Variants in EPB41L4A observed in about 807,000 individuals in gnomAD.
EPB41L4A encodes band 4.1-like protein 4A.
Under a neutral mutation model 108.6 loss-of-function variants are expected in EPB41L4A, and 100 were observed. That is an observed-to-expected ratio of 0.92 (90% CI 0.78 to 1.09). The LOEUF (loss-of-function observed/expected upper bound fraction) is 1.09. Ranked by LOEUF, EPB41L4A falls within the 50% of genes least tolerant of loss-of-function variation. The probability of loss-of-function intolerance (pLI) is 0.00; values close to 1 mark genes in which losing one functional copy is unlikely to be tolerated. For synonymous variants in EPB41L4A, 319 were observed against 289.0 expected (o/e 1.10, Z -1.05); for missense variants, 1,030 against 842.7 (o/e 1.22, Z -2.75).
chr5:112,323,204 G>A (rs912006632), intron 1 of EPB41L4A, among the ~76,000 whole-genome samples: 1 of 151,960 alleles, frequency 6.6e-6, no homozygotes, highest in Non-Finnish European at 1.5e-5. Context: ...AGACATAACT[G>A]GAAAGGAGGG....
chr5:112,357,752 T>C (rs765537558), intron 1 of EPB41L4A, among the ~76,000 whole-genome samples: 6 of 152,202 alleles, frequency 3.9e-5, no homozygotes, highest in Non-Finnish European at 8.8e-5. Flanking sequence ...TGTGGATGGA[T>C]GGTTAAGGAC....
chr5:112,149,436 C>T (rs1362572242), intron 12 of EPB41L4A, among the ~76,000 whole-genome samples: 1 of 152,164 alleles, frequency 6.6e-6, no homozygotes, highest in Non-Finnish European at 1.5e-5. Context: ...CGCGCCACTG[C>T]ACTCCAGCCT....
At chr5:112,225,948 A>C (rs2150346553) in intron 12 of EPB41L4A, among the ~76,000 whole-genome samples, 1 of 152,328 alleles carries the variant, frequency 6.6e-6, no homozygotes, top group East Asian at 1.9e-4. Flanking sequence ...TAAAAGAGTA[A>C]GCTACTATCT....
At chr5:112,243,566 A>C (rs1749978986) in intron 9 of EPB41L4A, among the ~76,000 whole-genome samples, 1 of 152,184 alleles carries the variant, frequency 6.6e-6, no homozygotes, top group African/African-American at 2.4e-5. Flanking sequence ...TTCCAACAGA[A>C]GAAGGTTGTT....
intron 1 of EPB41L4A, among the ~76,000 whole-genome samples, chr5:112,384,447 G>C (rs1017397069): frequency 1.3e-5 from 2 of 151,896 alleles, no homozygotes; most frequent in Admixed American, 6.6e-5. Flanking sequence ...CAGACCAAAG[G>C]CTAACTTCAC....
rs5870486 is a variant in EPB41L4A at position 112,164,831 on chromosome 5, CA to C, written c.*158del. The C allele has an allele frequency of 0.28, 135,337 of 486,716 alleles. 1,691 individuals carry two copies. Among genetic ancestry groups the C allele is most frequent in the Admixed American group, 0.3 (5,570 of 18,294 alleles). The allele number at this position is 486,716 out of a possible 1,614,324, so 30.1% of individuals were successfully genotyped here. ...CCTGGGCGACAGAGTGATAACATCT[CA>C]AAAAAAAAAAAAAAAAGAAGCAAAA... On this transcript the variant is annotated 3_prime_UTR_variant, in exon 23 of 23. Coordinates refer to ENST00000261486, the MANE Select transcript of EPB41L4A (RefSeq NM_022140.5).
intron 1 of EPB41L4A, among the ~76,000 whole-genome samples, chr5:112,337,243 A>T (rs967058097): frequency 5.3e-5 from 8 of 152,178 alleles, no homozygotes; most frequent in African/African-American, 1.9e-4. Flanking sequence ...CTGAAATTCC[A>T]TAATTTGATC....
intron 9 of EPB41L4A, among the ~76,000 whole-genome samples, chr5:112,241,718 G>C (rs1308566597): frequency 6.6e-6 from 1 of 152,128 alleles, no homozygotes; most frequent in Non-Finnish European, 1.5e-5. Context: ...AGCATTCTCG[G>C]ATTTGGGAGG....
intron 1 of EPB41L4A, among the ~76,000 whole-genome samples, chr5:112,407,713 C>G (rs1026656580): frequency 6.6e-6 from 1 of 152,148 alleles, no homozygotes; most frequent in East Asian, 1.9e-4. Flanking sequence ...AAATCCTTAA[C>G]AGAACATAAA....
chr5:112,151,138 A>G (rs1759448987), intron 12 of EPB41L4A, among the ~76,000 whole-genome samples: 1 of 152,162 alleles, frequency 6.6e-6, no homozygotes. Context: ...CTTCATTAAG[A>G]AAAAAATTAT....
intron 1 of EPB41L4A, among the ~76,000 whole-genome samples, chr5:112,410,546 G>A (rs1762347371): frequency 6.6e-6 from 1 of 152,098 alleles, no homozygotes; most frequent in Non-Finnish European, 1.5e-5. Context: ...GAAGGATGTG[G>A]AAACTTAAGG....
At chr5:112,198,156 C>T (rs1259097174) in intron 15 of EPB41L4A, among the ~76,000 whole-genome samples, 1 of 152,098 alleles carries the variant, frequency 6.6e-6, no homozygotes, top group African/African-American at 2.4e-5. Flanking sequence ...GCCTCAGCCT[C>T]CACCAGTAGC....
chr5:112,291,968 A>G (rs1033540004), intron 2 of EPB41L4A, among the ~76,000 whole-genome samples: 1 of 152,222 alleles, frequency 6.6e-6, no homozygotes, highest in South Asian at 2.1e-4. Flanking sequence ...CTCGGCCAGG[A>G]GCAGTGGCTC....
chr5:112,331,060 T>C (rs1016949050), intron 1 of EPB41L4A, among the ~76,000 whole-genome samples: 6 of 152,186 alleles, frequency 3.9e-5, no homozygotes, highest in South Asian at 2.1e-4. Flanking sequence ...CCCAAAATGG[T>C]AAGGAAGCCA....
At chr5:112,334,256 A>T (rs1756777188) in intron 1 of EPB41L4A, among the ~76,000 whole-genome samples, 1 of 152,176 alleles carries the variant, frequency 6.6e-6, no homozygotes, top group South Asian at 2.1e-4. Context: ...AAGGAAATCA[A>T]AGTATTTTAC....
At chr5:112,377,103 G>A (rs1381731156) in intron 1 of EPB41L4A, among the ~76,000 whole-genome samples, 3 of 151,832 alleles carry the variant, frequency 2.0e-5, no homozygotes, top group Non-Finnish European at 4.4e-5. Context: ...TCCTCAGGAG[G>A]CTGAGATGAG....
At chr5:112,349,466 A>T (rs1180399824) in intron 1 of EPB41L4A, among the ~76,000 whole-genome samples, 1 of 152,178 alleles carries the variant, frequency 6.6e-6, no homozygotes, top group African/African-American at 2.4e-5. Flanking sequence ...GAGTGGGAAG[A>T]CCAGGATACC....
chr5:112,362,647 A>G (rs1758845390), intron 1 of EPB41L4A, among the ~76,000 whole-genome samples: 1 of 152,188 alleles, frequency 6.6e-6, no homozygotes, highest in Non-Finnish European at 1.5e-5. Flanking sequence ...GCAATTCCAT[A>G]AAAGTTAATG....
chr5:112,250,102 G>A (rs2150407373), intron 9 of EPB41L4A, among the ~76,000 whole-genome samples: 1 of 152,172 alleles, frequency 6.6e-6, no homozygotes, highest in Non-Finnish European at 1.5e-5. Flanking sequence ...TTTCAGCTCA[G>A]CAATTGAAGA....
Sources: allele counts gnomAD v4.1 joint callset (sites outside exome capture counted in the v4.1 genomes callset), GRCh38; gene constraint gnomAD v4.1.1; transcripts MANE v1.5; gene names NCBI Gene and HGNC (gene_info 2026-07-23, HGNC 2026-07-21).